The following FAM151B variants were observed in gnomAD, a reference collection of about 807,000 sequenced individuals.
The protein encoded by FAM151B is family with sequence similarity 151 member B, also known as protein FAM151B.
In FAM151B, 24 loss-of-function variants were observed where a neutral mutation model predicts 31.2. The observed-to-expected ratio is 0.77, with a 90% CI of 0.56 to 1.08. FAM151B has a LOEUF of 1.08. FAM151B is among the 50% of genes least tolerant of loss of function. FAM151B has a pLI of 0.00. For synonymous variants in FAM151B, 105 were observed against 111.4 expected (o/e 0.94, Z 0.36); for missense variants, 293 against 328.6 (o/e 0.89, Z 0.84).
At chr5:80,532,113 A>G (rs1459701916) in intron 5 of FAM151B, among the ~76,000 whole-genome samples, 1 of 151,412 alleles carries the variant, frequency 6.6e-6, no homozygotes. Context: ...GCAAACTATC[A>G]CAGGGACAAA....
intron 2 of FAM151B, among the ~76,000 whole-genome samples, chr5:80,511,312 A>C (rs1004095389): frequency 6.6e-6 from 1 of 151,876 alleles, no homozygotes. Context: ...TCTCTACTAA[A>C]AATTTAGAAA....
chr5:80,505,719 A>G (rs1427677954), intron 2 of FAM151B, among the ~76,000 whole-genome samples: 1 of 129,850 alleles, frequency 7.7e-6, no homozygotes, highest in Admixed American at 8.0e-5. Flanking sequence ...TTACTACATC[A>G]CCAGTCCCCT....
intron 2 of FAM151B, among the ~76,000 whole-genome samples, chr5:80,509,389 G>A (rs1259456343): frequency 6.6e-6 from 1 of 152,124 alleles, no homozygotes; most frequent in East Asian, 1.9e-4. Flanking sequence ...TGGAAAGTGG[G>A]TGTTCTCTCG....
At chr5:80,529,845 C>G (rs1306717339) in intron 5 of FAM151B, among the ~76,000 whole-genome samples, 1 of 129,302 alleles carries the variant, frequency 7.7e-6, no homozygotes, top group South Asian at 2.3e-4. Context: ...TGAAACTATT[C>G]CAATCAATAG....
At chr5:80,524,166 A>G (rs1744847232) in intron 5 of FAM151B, among the ~76,000 whole-genome samples, 1 of 152,130 alleles carries the variant, frequency 6.6e-6, no homozygotes, top group African/African-American at 2.4e-5. Context: ...AACATTTACA[A>G]TATAGATGGA....
intron 5 of FAM151B, among the ~76,000 whole-genome samples, chr5:80,536,880 G>T (rs1014747418): frequency 7.9e-5 from 12 of 152,130 alleles, no homozygotes; most frequent in Non-Finnish European, 1.3e-4. Flanking sequence ...AGAGAGGAGG[G>T]TGGTTTACCA....
At chr5:80,528,613 T>C (rs1745079447) in intron 5 of FAM151B, among the ~76,000 whole-genome samples, 1 of 151,804 alleles carries the variant, frequency 6.6e-6, no homozygotes, top group Non-Finnish European at 1.5e-5. Context: ...AAAAATTAGC[T>C]GGGTGTGGTG....
intron 2 of FAM151B, chr5:80,506,197 T>C: frequency 5.0e-6 from 4 of 804,578 alleles, no homozygotes; most frequent in Non-Finnish European, 6.0e-6. Flanking sequence ...GCTCCCATGG[T>C]GGGCAAGTGA....
chr5:80,499,870 T>TTTTA (rs1561361637), intron 1 of FAM151B: 2 of 151,344 alleles, frequency 1.3e-5, no homozygotes, highest in African/African-American at 4.8e-5. Flanking sequence ...TTTTTTTTTT[T>TTTTA]ACTCTATAAC....
At chr5:80,521,886 T>C (rs1744737821) in intron 4 of FAM151B, 117 bp from the exon 5 acceptor site, 1 of 652,566 alleles carries the variant, frequency 1.5e-6, no homozygotes, top group Non-Finnish European at 2.4e-6. Flanking sequence ...TGGAAAGTAT[T>C]ATGAATTACC....
At chr5:80,534,114 A>G (rs575856145) in intron 5 of FAM151B, among the ~76,000 whole-genome samples, 2 of 152,260 alleles carry the variant, frequency 1.3e-5, no homozygotes, top group South Asian at 4.1e-4. Flanking sequence ...AAGCTATAAT[A>G]AAAAGTCTTT....
At chr5:80,501,984 C>A in intron 2 of FAM151B, 67 bp downstream of exon 2, 2 of 1,328,744 alleles carry the variant, frequency 1.5e-6, no homozygotes, top group Non-Finnish European at 1.0e-6. Context: ...TTTTTGATAT[C>A]TAGGTATATT....
intron 5 of FAM151B, among the ~76,000 whole-genome samples, chr5:80,532,964 A>G (rs1337011241): frequency 1.3e-5 from 2 of 152,220 alleles, no homozygotes; most frequent in African/African-American, 4.8e-5. Flanking sequence ...TAATGGAAAC[A>G]CAACATATCA....
chr5:80,508,004 A>G (rs1744040063), intron 2 of FAM151B, among the ~76,000 whole-genome samples: 1 of 152,224 alleles, frequency 6.6e-6, no homozygotes, highest in South Asian at 2.1e-4. Flanking sequence ...TCCTGACTCC[A>G]GAATCAAAAT....
In FAM151B at chr5:80,522,125, A is replaced by G; in HGVS notation, c.658A>G (p.Lys220Glu). The G allele has an allele frequency of 6.2e-7, 1 of 1,612,836 alleles. No homozygotes were observed. The change falls in exon 5 of 6, where the codon AAG becomes GAG. Residue 220 changes from lysine (K) to glutamate (E), a missense_variant. Coordinates refer to ENST00000282226, the MANE Select transcript of FAM151B (RefSeq NM_205548.3). Reference protein sequence around the residue: ...QSCSQLLWLLKKSNRYSLTIW... With the variant: ...QSCSQLLWLLEKSNRYSLTIW... Reference sequence around the variant, plus strand: ...TTGTTCTCAGTTACTTTGGCTGTTAAAGAAATCAAACAGGTATGTAATAGT... The same window carrying G: ...TTGTTCTCAGTTACTTTGGCTGTTAGAGAAATCAAACAGGTATGTAATAGT...
At chr5:80,502,255 T>C (rs1258554451) in intron 2 of FAM151B, among the ~76,000 whole-genome samples, 2 of 152,116 alleles carry the variant, frequency 1.3e-5, no homozygotes, top group East Asian at 3.9e-4. Context: ...ACAAATTGCA[T>C]AATGAAAGAA....
chr5:80,500,734 G>A (rs1561362073), intron 1 of FAM151B: 1 of 900,018 alleles, frequency 1.1e-6, no homozygotes, highest in Middle Eastern at 2.5e-4. Flanking sequence ...GCTGAGGATT[G>A]TAGAGCCATA....
rs375263129 is a variant in FAM151B, at chr5:80,500,983, G to A, written c.26-809G>A. The A allele has an allele frequency of 5.1e-5, 33 of 646,076 alleles. 2 individuals carry two copies. The highest frequency in any genetic ancestry group is 4.8e-4 in the African/African-American group (26 of 54,474). 40.0% of individuals were successfully genotyped at this position (646,076 alleles called of 1,614,324 possible). A position where few individuals can be genotyped will look rare whatever the true frequency, so the allele number is the denominator to read the frequency against. ...CTTCAAATTATCTTCGCCATGAGGCGGAATGAAGAAAAAGACCATCCATTT... is the reference window on the plus strand; with the variant it reads ...CTTCAAATTATCTTCGCCATGAGGCAGAATGAAGAAAAAGACCATCCATTT... On this transcript the variant is annotated intron_variant, in intron 1 of 5. Transcript: ENST00000282226.
chr5:80,542,433 C>T lies in FAM151B; in HGVS notation c.*601C>T, dbSNP rs1270965923. On this transcript the variant is annotated 3_prime_UTR_variant, in exon 6 of 6. Coordinates refer to ENST00000282226, the MANE Select transcript of FAM151B (RefSeq NM_205548.3). ...TTTATATTTCTTATTTCTATAGTATCTGATTTATAGTGGACAATATACTGT... is the reference window on the plus strand; with the variant it reads ...TTTATATTTCTTATTTCTATAGTATTTGATTTATAGTGGACAATATACTGT... The T allele has an allele frequency of 6.6e-6, 1 of 151,834 alleles. No homozygotes were observed. The highest frequency in any genetic ancestry group is 1.9e-4 in the East Asian group (1 of 5,196). 9.4% of individuals were successfully genotyped at this position (151,834 alleles called of 1,614,324 possible).
Sources: allele counts gnomAD v4.1 joint callset (sites outside exome capture counted in the v4.1 genomes callset), GRCh38; gene constraint gnomAD v4.1.1; transcripts MANE v1.5; gene names NCBI Gene and HGNC (gene_info 2026-07-23, HGNC 2026-07-21).